VOPP1: variants seen among roughly 807,000 people sequenced by gnomAD.
The protein encoded by VOPP1 is WW domain binding protein VOPP1.
Under a neutral mutation model 23.5 loss-of-function variants are expected in VOPP1, and 8 were observed. The ratio of observed to expected loss-of-function variants is 0.34; its 90% confidence interval spans 0.20 to 0.61. The LOEUF (loss-of-function observed/expected upper bound fraction) is 0.61, where lower values mean the gene tolerates loss of function less well. Among genes scored for constraint, VOPP1 ranks in the 20% least tolerant of loss-of-function variants. The pLI is 0.78. For synonymous variants in VOPP1, 83 were observed against 97.3 expected (o/e 0.85, Z 0.86); for missense variants, 174 against 238.1 (o/e 0.73, Z 1.77).
chr7:55,496,896 A>AAG (rs1793992099), intron 3 of VOPP1, among the ~76,000 whole-genome samples: 1 of 152,262 alleles, frequency 6.6e-6, no homozygotes, highest in Admixed American at 6.5e-5. Context: ...ATGGGAGAAG[A>AAG]AGAGCAGGTG....
At chr7:55,526,248 G>C (rs747323784) in intron 1 of VOPP1, among the ~76,000 whole-genome samples, 13 of 152,238 alleles carry the variant, frequency 8.5e-5, no homozygotes, top group Non-Finnish European at 1.5e-4. Context: ...GGAGAGGCCT[G>C]AAAGACGTCT....
intron 1 of VOPP1, 63 bp downstream of exon 1, chr7:55,572,208 C>A: frequency 1.4e-6 from 2 of 1,419,376 alleles, no homozygotes; most frequent in Non-Finnish European, 1.9e-6. Context: ...CGGAACTGCG[C>A]GCCCCCAGCC....
chr7:55,473,624 GCAC>G (rs2129007981), intron 4 of VOPP1, among the ~76,000 whole-genome samples: 1 of 152,336 alleles, frequency 6.6e-6, no homozygotes, highest in Admixed American at 6.5e-5. Flanking sequence ...GGGCACGGGG[GCAC>G]CACAGAAGGT....
chr7:55,571,262 A>G lies in VOPP1; in HGVS notation c.54+1009T>C, dbSNP rs1400880188. The stretch of plus-strand genomic sequence containing the variant: ...TCCACCAGCCTTCCTTTCAGGAAAC[A>G]CTTTTCCTCCAACATTTTGTAATAA... On this transcript the variant is annotated intron_variant, in intron 1 of 4. Coordinates refer to ENST00000285279, the MANE Select transcript of VOPP1 (RefSeq NM_030796.5). 2.0e-5 allele frequency among the ~76,000 whole-genome samples: 3 copies of G among 152,346 alleles called. No individual in the cohort carries two copies. In the East Asian group the frequency reaches 5.8e-4, roughly 29 times the overall value.
Position 55,455,992 on chromosome 7 carries a change from A to C in VOPP1, n.418-19818T>G, listed in dbSNP as rs537888715. ...CTAAAGAGCTTCTGCACAGCAAAAG[A>C]AACTATCATCAGAGTGAACAGGCAA... On this transcript the variant is annotated intron_variant and non_coding_transcript_variant, in intron 4 of 4. Coordinates refer to the VOPP1 transcript ENST00000462326. 2.0e-5 allele frequency among the ~76,000 whole-genome samples: 3 copies of C among 152,350 alleles called. 1 individual carries two copies. In the South Asian group the frequency reaches 6.2e-4, roughly 32 times the overall value.
At chr7:55,561,986 C>T (rs1238944914) in intron 1 of VOPP1, 3 of 703,414 alleles carry the variant, frequency 4.3e-6, no homozygotes, top group East Asian at 2.7e-5. Context: ...CCACAGTAGT[C>T]GGTTCAGTCT....
At chr7:55,440,700 T>C (rs140260838) in intron 4 of VOPP1, among the ~76,000 whole-genome samples, 1 of 152,308 alleles carries the variant, frequency 6.6e-6, no homozygotes, top group Non-Finnish European at 1.5e-5. Context: ...AGCACAAGCG[T>C]GTGCCTGGCA....
chr7:55,436,807 C>T (rs1481754798), intron 4 of VOPP1, among the ~76,000 whole-genome samples: 4 of 152,116 alleles, frequency 2.6e-5, no homozygotes, highest in Non-Finnish European at 4.4e-5. Context: ...ATTCAAAATC[C>T]AGGAATTCAG....
In VOPP1 at chr7:55,552,692, C is replaced by A. The variant is rs1316680131; in HGVS notation, c.54+19579G>T. ...TTCCAACAATGGGGGGCACTCAGGT[C>A]CTGGAGCCCCAGCCCCTCCGAAGGC... is the stretch of plus-strand genomic sequence containing the variant. On this transcript the variant is annotated intron_variant, in intron 1 of 4. Transcript: ENST00000285279. 3.3e-6 allele frequency: 5 copies of A among 1,535,930 alleles called. No individual in the cohort carries two copies. The African/African-American group carries it at 6.8e-5, about 21-fold the overall frequency.
chr7:55,448,532 T>C (rs139201735), intron 4 of VOPP1, among the ~76,000 whole-genome samples: 2,492 of 148,238 alleles, frequency 0.017, 77 homozygotes, highest in African/African-American at 0.056. Context: ...GATTTTTCGC[T>C]CGAGCCCCGG....
chr7:55,474,594 C>T (rs1333429237), intron 4 of VOPP1, among the ~76,000 whole-genome samples: 1 of 152,200 alleles, frequency 6.6e-6, no homozygotes, highest in African/African-American at 2.4e-5. Context: ...ACAGGCAGGG[C>T]AATACAGGAG....
chr7:55,564,777 C>G (rs1209863452), intron 1 of VOPP1, among the ~76,000 whole-genome samples: 1 of 152,120 alleles, frequency 6.6e-6, no homozygotes, highest in East Asian at 1.9e-4. Context: ...AAGTTCCAGA[C>G]CAAGTAGGGA....
At chr7:55,525,435 G>A (rs1341235407) in intron 1 of VOPP1, among the ~76,000 whole-genome samples, 2 of 151,230 alleles carry the variant, frequency 1.3e-5, no homozygotes, top group African/African-American at 4.9e-5. Flanking sequence ...CTTGCAGTGA[G>A]CCGAGATTGC....
At chr7:55,484,571 T>C (rs1482371106) in intron 4 of VOPP1, among the ~76,000 whole-genome samples, 1 of 152,190 alleles carries the variant, frequency 6.6e-6, no homozygotes, top group East Asian at 1.9e-4. Flanking sequence ...GAGCTTGGGA[T>C]GGGTGCCCTT....
chr7:55,468,271 G>GAAAAAAAAAA (rs747918983), downstream of VOPP1, among the ~76,000 whole-genome samples: 7 of 54,022 alleles, frequency 1.3e-4, no homozygotes, highest in South Asian at 1.2e-3. Context: ...CTTCGTCTCA[G>GAAAAAAAAAA]AAAAAAAAAA....
At position 55,516,291 on chromosome 7, in the gene VOPP1, A is replaced by T. The variant is rs915862007; in HGVS notation, c.113+4781T>A. Among the ~76,000 whole-genome samples the T allele has an allele frequency of 3.3e-5, 5 of 152,352 alleles. No individual in the cohort carries two copies. In the South Asian group the frequency reaches 6.2e-4, roughly 19 times the overall value. On this transcript the variant is annotated intron_variant, in intron 2 of 4. Coordinates refer to ENST00000285279, the MANE Select transcript of VOPP1 (RefSeq NM_030796.5). ...TGTTGCTTTTCTGTTCAGATCCCAA[A>T]GGGTCTTTTTCTTCAAAAATAAGAA...
At chr7:55,513,967 G>T (rs1053980288) in intron 2 of VOPP1, among the ~76,000 whole-genome samples, 6 of 152,202 alleles carry the variant, frequency 3.9e-5, no homozygotes, top group African/African-American at 1.4e-4. Context: ...GTCATCGTCT[G>T]AAGTCTGGGT....
At chr7:55,519,588 C>A (rs1795704434) in intron 2 of VOPP1, among the ~76,000 whole-genome samples, 1 of 148,812 alleles carries the variant, frequency 6.7e-6, no homozygotes, top group African/African-American at 2.6e-5. Context: ...TATCCCACAA[C>A]CACTTCTCTT....
chr7:55,509,031 A>G (rs1284645193), intron 2 of VOPP1, among the ~76,000 whole-genome samples: 1 of 152,234 alleles, frequency 6.6e-6, no homozygotes, highest in East Asian at 1.9e-4. Context: ...TGACAGAGCA[A>G]GACCCTGTCT....
Sources: allele counts gnomAD v4.1 joint callset (sites outside exome capture counted in the v4.1 genomes callset), GRCh38; gene constraint gnomAD v4.1.1; transcripts MANE v1.5; gene names NCBI Gene and HGNC (gene_info 2026-07-23, HGNC 2026-07-21).